BRF1: variants seen among roughly 807,000 people sequenced by gnomAD.
BRF1 encodes BRF1 general transcription factor IIIB subunit, also known as transcription factor IIIB 90 kDa subunit.
In BRF1, 59 loss-of-function variants were observed where a neutral mutation model predicts 81.7. The observed-to-expected ratio is 0.72, with a 90% CI of 0.59 to 0.90. BRF1 has a LOEUF of 0.90. Ranked by LOEUF, BRF1 falls within the 40% of genes least tolerant of loss-of-function variation. BRF1 has a pLI of 0.00. For synonymous variants in BRF1, 491 were observed against 395.6 expected (o/e 1.24, Z -2.86); for missense variants, 1,050 against 936.3 (o/e 1.12, Z -1.58).
At chr14:105,297,154 T>G (rs1191566106) in intron 1 of BRF1, among the ~76,000 whole-genome samples, 2 of 151,578 alleles carry the variant, frequency 1.3e-5, no homozygotes, top group African/African-American at 2.4e-5. Flanking sequence ...CGAGACTCCA[T>G]CTCAAAAAAA....
At chr14:105,303,320 T>C (rs1464469593), upstream of BRF1, among the ~76,000 whole-genome samples, 2 of 152,194 alleles carry the variant, frequency 1.3e-5, no homozygotes, top group Non-Finnish European at 2.9e-5. Context: ...CTTGGCTCAC[T>C]GTAACCTCCA....
chr14:105,219,323 C>A, intron 12 of BRF1, 91 bp from the exon 13 acceptor site: 1 of 1,575,964 alleles, frequency 6.3e-7, no homozygotes. Context: ...GTATTTCCAC[C>A]GTTAGAGGAA....
In BRF1 at chr14:105,248,569, TCGGGCGGGCGGG is replaced by T. The variant is rs587760631; in HGVS notation, c.544+3926_544+3937del. ...CACCGGCGCCGCGGCGGGTACGGGCTCGGGCGGGCGGGCGGGCGGGACGGCGCCCCCCGCGGC... is the reference window on the plus strand; with the variant it reads ...CACCGGCGCCGCGGCGGGTACGGGCTCGGGCGGGACGGCGCCCCCCGCGGC... On this transcript the variant is annotated intron_variant, in intron 5 of 17. Coordinates refer to ENST00000547530, the MANE Select transcript of BRF1 (RefSeq NM_001519.4). 470 of 542,874 alleles carry T rather than the reference TCGGGCGGGCGGG, an allele frequency of 8.7e-4. 5 individuals are homozygous for T. The highest frequency in any genetic ancestry group is 5.0e-3 in the East Asian group (29 of 5,810). 33.6% of individuals were successfully genotyped at this position (542,874 alleles called of 1,614,324 possible). A position where few individuals can be genotyped will look rare whatever the true frequency, so the allele number is the denominator to read the frequency against.
chr14:105,241,161 G>A (rs952223727), intron 6 of BRF1, 104 bp downstream of exon 6: 1 of 1,526,616 alleles, frequency 6.6e-7, no homozygotes, highest in East Asian at 2.3e-5. Context: ...GCAGCTCTCA[G>A]TGCTCTGCAA....
Position 105,309,871 on chromosome 14 carries a change from C to T in BRF1, c.-162+5451G>A, listed in dbSNP as rs780085705. ...CACAATCTCGGCTCACTGCAAGCTC[C>T]GCCTCCTGGATTCAAGCAATTCTCC... On this transcript the variant is annotated intron_variant, in intron 1 of 17. Coordinates refer to the BRF1 transcript ENST00000327359. The surrounding 1 kb of genome is among the most constrained non-coding windows in gnomAD (Gnocchi z 4.0). Among the ~76,000 whole-genome samples, 16 of 150,768 alleles carry T rather than the reference C, an allele frequency of 1.1e-4. No homozygotes were observed. Among genetic ancestry groups the T allele is most frequent in the Non-Finnish European group, 1.8e-4 (12 of 67,776 alleles).
chr14:105,246,320 G>A (rs967975131), intron 5 of BRF1, among the ~76,000 whole-genome samples: 18 of 151,942 alleles, frequency 1.2e-4, no homozygotes, highest in Non-Finnish European at 2.5e-4. Flanking sequence ...TATTTATCAG[G>A]GACATGCAAA....
intron 1 of BRF1, chr14:105,314,844 C>T: frequency 1.7e-6 from 1 of 603,306 alleles, no homozygotes; most frequent in Non-Finnish European, 2.1e-6. Flanking sequence ...GCCCTCCGCG[C>T]GCCCGGCCCG....
At chr14:105,220,042 C>T (rs769649646) in intron 12 of BRF1, 27 bp downstream of exon 12, 1 of 1,609,906 alleles carries the variant, frequency 6.2e-7, no homozygotes, top group Admixed American at 1.7e-5. Flanking sequence ...AGCCCAGCCC[C>T]TCTTGGGAAG....
rs1889997810 is a variant in BRF1, at chr14:105,210,805, G to A, written c.1997-217C>T. Among the ~76,000 whole-genome samples the A allele has an allele frequency of 6.6e-6, 1 of 152,076 alleles. No individual in the cohort carries two copies. The highest frequency in any genetic ancestry group is 2.1e-4 in the South Asian group (1 of 4,822). On this transcript the variant is annotated intron_variant, in intron 17 of 17. Coordinates refer to ENST00000547530, the MANE Select transcript of BRF1 (RefSeq NM_001519.4). The surrounding 1 kb of genome is among the most constrained non-coding windows in gnomAD (Gnocchi z 4.7). ...GCCTTGCTCCTCGTCGAGGGCACCT[G>A]AGAGCAGTGTGGGCTCCCTCAGCCT...
intron 5 of BRF1, 177 bp downstream of exon 5, chr14:105,252,330 T>G: frequency 1.0e-6 from 1 of 971,824 alleles, no homozygotes; most frequent in Non-Finnish European, 1.2e-6. Flanking sequence ...ACAGCGAGAC[T>G]GTGTCTTAGA....
chr14:105,281,569 C>T (rs975440458), intron 2 of BRF1, among the ~76,000 whole-genome samples: 2 of 151,796 alleles, frequency 1.3e-5, no homozygotes, highest in Non-Finnish European at 2.9e-5. Flanking sequence ...GTGGACAGAG[C>T]CTGCGTGATC....
intron 1 of BRF1, among the ~76,000 whole-genome samples, chr14:105,296,028 C>A (rs1330564171): frequency 6.7e-6 from 1 of 149,386 alleles, no homozygotes; most frequent in Non-Finnish European, 1.5e-5. Context: ...TTGCAGTGAG[C>A]CCAGATTGCG....
intron 15 of BRF1, 44 bp from the exon 16 acceptor site, chr14:105,212,208 G>A (rs767687594): frequency 1.6e-5 from 26 of 1,590,848 alleles, no homozygotes; most frequent in South Asian, 1.2e-4. Context: ...CCAGGCTCCC[G>A]AACGCCTGCC....
At chr14:105,226,557 A>G in intron 8 of BRF1, 77 bp downstream of exon 8, 1 of 1,597,762 alleles carries the variant, frequency 6.3e-7, no homozygotes, top group Non-Finnish European at 8.5e-7. Flanking sequence ...CAGCTCTGCT[A>G]CAACCCCAGT....
In BRF1 at chr14:105,211,165, GTCCTCCTCGTCAGGC is replaced by G. The variant is rs776899977; in HGVS notation, c.1938_1952del (p.Glu646_Glu650del). 10 of 1,612,478 alleles carry G rather than the reference GTCCTCCTCGTCAGGC, an allele frequency of 6.2e-6. No homozygotes were observed. The highest frequency in any genetic ancestry group is 1.7e-5 in the Admixed American group (1 of 60,000). On this transcript the variant is annotated inframe_deletion, in exon 17 of 18. Transcript: ENST00000547530. ...GCAGGGCACTGACGCAGGGCTCCCC[GTCCTCCTCGTCAGGC>G]TCCTCCTCGTCAGCCTCCTCGTCGG... is the stretch of plus-strand genomic sequence containing the variant.
At chr14:105,292,276 C>T (rs587736726) in intron 1 of BRF1, among the ~76,000 whole-genome samples, 21 of 152,216 alleles carry the variant, frequency 1.4e-4, no homozygotes, top group Admixed American at 1.2e-3. Context: ...CTCCACCTCC[C>T]GGGTTCAAGC....
At chr14:105,248,454 A>C (rs1566832072) in intron 5 of BRF1, 2 of 985,160 alleles carry the variant, frequency 2.0e-6, no homozygotes, top group East Asian at 2.3e-4. Flanking sequence ...TGCTGGGCAG[A>C]AGCTCGAGCA....
chr14:105,274,682 A>G (rs1425007148), intron 2 of BRF1, among the ~76,000 whole-genome samples: 1 of 152,216 alleles, frequency 6.6e-6, no homozygotes, highest in Non-Finnish European at 1.5e-5. Context: ...ACAAATGTCA[A>G]TGCAGAGTAC....
At chr14:105,211,749 T>A in intron 16 of BRF1, 1 of 381,876 alleles carries the variant, frequency 2.6e-6, no homozygotes, top group Non-Finnish European at 4.9e-6. Context: ...CCCCAACAAG[T>A]GACAGTCCAG....
Sources: allele counts gnomAD v4.1 joint callset (sites outside exome capture counted in the v4.1 genomes callset), GRCh38; gene constraint gnomAD v4.1.1; non-coding constraint Gnocchi (gnomAD v3.1); transcripts MANE v1.5; gene names NCBI Gene and HGNC (gene_info 2026-07-23, HGNC 2026-07-21).